Variants in STAB2 observed in about 807,000 individuals in gnomAD.
STAB2 encodes the protein stabilin-2.
In STAB2, 288 loss-of-function variants were observed where a neutral mutation model predicts 338.1. That is an observed-to-expected ratio of 0.85 (90% CI 0.77 to 0.94). The LOEUF is 0.94. Ranked by LOEUF, STAB2 falls within the 40% of genes least tolerant of loss-of-function variation. STAB2 has a pLI of 0.00. For synonymous variants in STAB2, 1,202 were observed against 1,193.3 expected, an observed-to-expected ratio of 1.01 and a Z score of -0.15; for missense variants, 3,141 against 3,210.1, an observed-to-expected ratio of 0.98 and a Z score of 0.52.
At chr12:103,678,383 T>C (rs994593384) in intron 25 of STAB2, among the ~76,000 whole-genome samples, 2 of 152,192 alleles carry the variant, frequency 1.3e-5, no homozygotes, top group Non-Finnish European at 2.9e-5. Flanking sequence ...CCCCGAGCCT[T>C]TTGGTTCTCA....
intron 35 of STAB2, among the ~76,000 whole-genome samples, chr12:103,703,674 C>T (rs1339243484): frequency 6.6e-6 from 1 of 152,112 alleles, no homozygotes; most frequent in East Asian, 1.9e-4. Context: ...ATGGGCCAAG[C>T]CTGCTCTACC....
chr12:103,735,708 C>A lies in STAB2; in HGVS notation c.5550+128C>A, dbSNP rs1882064189. 1.4e-5 allele frequency: 10 copies of A among 735,636 alleles called. 1 individual carries two copies. The highest frequency in any genetic ancestry group is 3.3e-5 in the Admixed American group (1 of 30,576). The allele number at this position is 735,636 out of a possible 1,614,324, so 45.6% of individuals were successfully genotyped here. On this transcript the variant is annotated intron_variant, in intron 52 of 68. Coordinates refer to ENST00000388887, the MANE Select transcript of STAB2 (RefSeq NM_017564.10). ...CATTCATAGCGGGCTCATTTTTTTTCTCACTACCTTCAGAGGTATTTTTCC... is the reference window on the plus strand; with the variant it reads ...CATTCATAGCGGGCTCATTTTTTTTATCACTACCTTCAGAGGTATTTTTCC...
intron 47 of STAB2, among the ~76,000 whole-genome samples, chr12:103,728,357 G>A (rs1179833973): frequency 6.6e-6 from 1 of 152,098 alleles, no homozygotes; most frequent in Non-Finnish European, 1.5e-5. Context: ...TGATCCACCC[G>A]CCTCGGCCTC....
chr12:103,689,979 T>C lies in STAB2; in HGVS notation c.3179T>C (p.Ile1060Thr). 2 of 1,612,568 alleles carry C rather than the reference T, an allele frequency of 1.2e-6. No individual in the cohort carries two copies. Among genetic ancestry groups the C allele is most frequent in the Non-Finnish European group, 8.5e-7 (1 of 1,179,542 alleles). The change falls in exon 29 of 69, where the codon ATA becomes ACA. Residue 1060 changes from isoleucine (I) to threonine (T), a missense_variant. Coordinates refer to ENST00000388887, the MANE Select transcript of STAB2 (RefSeq NM_017564.10). ...WLSQSNIPALIKYHMLLGTYR... is the reference protein window; with the variant it reads ...WLSQSNIPALTKYHMLLGTYR... The stretch of plus-strand genomic sequence containing the variant: ...TCACAGAGCAATATTCCAGCCCTAA[T>C]AAAGTAGGTGTTACTTATTTTATTT...
intron 10 of STAB2, 62 bp from the exon 11 acceptor site, chr12:103,650,434 A>T: frequency 6.8e-7 from 1 of 1,460,570 alleles, no homozygotes; most frequent in Non-Finnish European, 9.6e-7. Flanking sequence ...GCCTGATTTT[A>T]CTCCTCCTGT....
At chr12:103,664,990 G>A (rs1001271553) in intron 18 of STAB2, among the ~76,000 whole-genome samples, 2 of 152,180 alleles carry the variant, frequency 1.3e-5, no homozygotes, top group Non-Finnish European at 2.9e-5. Context: ...TTATTCAAAA[G>A]CTTATTCTCC....
intron 9 of STAB2, among the ~76,000 whole-genome samples, chr12:103,641,319 T>G (rs1469749507): frequency 2.0e-5 from 3 of 152,198 alleles, no homozygotes. Context: ...ATCAGAACAC[T>G]TAGGTTCAAA....
intron 52 of STAB2, among the ~76,000 whole-genome samples, chr12:103,737,117 A>T (rs892622211): frequency 6.6e-6 from 1 of 152,232 alleles, no homozygotes; most frequent in Non-Finnish European, 1.5e-5. Flanking sequence ...AGACTCAGTT[A>T]CTACACACAA....
chr12:103,731,282 C>T (rs1881617353), intron 49 of STAB2, among the ~76,000 whole-genome samples: 1 of 152,132 alleles, frequency 6.6e-6, no homozygotes, highest in South Asian at 2.1e-4. Flanking sequence ...CTGCTGCCAC[C>T]TCATATTATT....
At position 103,737,722 on chromosome 12, in the gene STAB2, T is replaced by C; in HGVS notation, c.5639T>C (p.Leu1880Pro). 1.2e-6 allele frequency: 2 copies of C among 1,613,920 alleles called. No homozygotes were observed. The highest frequency in any genetic ancestry group is 1.7e-6 in the Non-Finnish European group (2 of 1,179,994). Residue 1880 changes from leucine (L) to proline (P), a missense_variant, in exon 53 of 69, where the codon CTG becomes CCG. Transcript: ENST00000388887. The part of the protein sequence containing the change: ...DLGVAYGIDC[L>P]LIDPTLGGRC... ...GGTGTGGCCTACGGCATTGACTGTC[T>C]GCTGATTGATCCCACCCTGGGGGGC...
chr12:103,639,725 A>C (rs74899154), intron 8 of STAB2, among the ~76,000 whole-genome samples: 2 of 151,630 alleles, frequency 1.3e-5, no homozygotes, highest in Non-Finnish European at 2.9e-5. Context: ...AAAAAAAAAA[A>C]ACACTTGTTT....
chr12:103,606,760 G>C (rs377535542), intron 3 of STAB2, among the ~76,000 whole-genome samples: 20 of 152,272 alleles, frequency 1.3e-4, no homozygotes, highest in African/African-American at 4.8e-4. Context: ...TGAGACAGGT[G>C]GATCACGAGG....
intron 7 of STAB2, 29 bp from the exon 8 acceptor site, chr12:103,637,984 AACT>A: frequency 6.3e-7 from 1 of 1,592,880 alleles, no homozygotes; most frequent in Non-Finnish European, 8.6e-7. Context: ...CCCGTTAACT[AACT>A]GCCTCTCATT....
At chr12:103,706,507 GC>G (rs34724968) in intron 37 of STAB2, among the ~76,000 whole-genome samples, 1 of 152,064 alleles carries the variant, frequency 6.6e-6, no homozygotes, top group Non-Finnish European at 1.5e-5. Context: ...TTCTTCTGCT[GC>G]CCCTCCTCCT....
chr12:103,660,577 T>C (rs1176210051), intron 16 of STAB2, 106 bp from the exon 17 acceptor site: 1 of 1,372,760 alleles, frequency 7.3e-7, no homozygotes, highest in Non-Finnish European at 1.0e-6. Context: ...AAACTCCCTT[T>C]ACTTATTTCA....
chr12:103,598,249 C>A (rs1156621863), intron 3 of STAB2, among the ~76,000 whole-genome samples: 6 of 152,202 alleles, frequency 3.9e-5, no homozygotes, highest in Non-Finnish European at 7.3e-5. Context: ...AAGGTGGTGA[C>A]ATGGAATAGG....
chr12:103,670,549 A>T, intron 21 of STAB2, 147 bp from the exon 22 acceptor site: 1 of 655,312 alleles, frequency 1.5e-6, no homozygotes, highest in Admixed American at 2.6e-5. Flanking sequence ...AGCCTCCCTG[A>T]TATCACATGA....
At chr12:103,733,243 C>T (rs1404800833) in intron 51 of STAB2, 61 bp downstream of exon 51, 13 of 1,575,614 alleles carry the variant, frequency 8.3e-6, no homozygotes, top group Non-Finnish European at 1.1e-5. Flanking sequence ...TAAAATTCAG[C>T]ACCAAGGCAT....
intron 46 of STAB2, 111 bp from the exon 47 acceptor site, chr12:103,727,156 C>T (rs568148993): frequency 9.3e-7 from 1 of 1,076,602 alleles, no homozygotes; most frequent in Non-Finnish European, 1.4e-6. Context: ...CAGAGGTCTC[C>T]TCATCCAGTC....
Sources: gnomAD v4.1 joint callset for allele counts (sites outside exome capture counted in the v4.1 genomes callset) on GRCh38, gnomAD v4.1.1 for gene constraint, MANE v1.5 for transcripts, NCBI Gene and HGNC (gene_info 2026-07-23, HGNC 2026-07-21) for gene names.